Variants in CORIN observed in about 807,000 individuals in gnomAD.
The protein encoded by CORIN is corin, serine peptidase, also known as atrial natriuretic peptide-converting enzyme.
CORIN carries 117 observed loss-of-function variants against 125.3 expected under a neutral mutation model. That is an observed-to-expected ratio of 0.93 (90% CI 0.80 to 1.09). CORIN has a LOEUF of 1.09. CORIN is among the 50% of genes least tolerant of loss of function. CORIN has a pLI of 0.00. For missense variants in CORIN, 1,253 were observed against 1,306.7 expected, an observed-to-expected ratio of 0.96 and a Z score of 0.63; for synonymous variants, 450 against 466.4, an observed-to-expected ratio of 0.96 and a Z score of 0.45.
chr4:47,653,203 A>G (rs1321045625), intron 13 of CORIN, among the ~76,000 whole-genome samples: 1 of 152,148 alleles, frequency 6.6e-6, no homozygotes, highest in Admixed American at 6.5e-5. Context: ...TATAAATTAA[A>G]CTCTATCATA....
chr4:47,786,325 A>G (rs1730808575), intron 3 of CORIN, among the ~76,000 whole-genome samples: 1 of 152,046 alleles, frequency 6.6e-6, no homozygotes, highest in African/African-American at 2.4e-5. Flanking sequence ...ACTTGAGGTC[A>G]GGAGTTCGAG....
chr4:47,617,233 T>C (rs1036324009), intron 19 of CORIN, among the ~76,000 whole-genome samples: 1 of 152,166 alleles, frequency 6.6e-6, no homozygotes, highest in Non-Finnish European at 1.5e-5. Context: ...AGATGCTCAT[T>C]TGGGGTTTAT....
chr4:47,622,857 T>C (rs1211036005), intron 19 of CORIN, among the ~76,000 whole-genome samples: 1 of 152,010 alleles, frequency 6.6e-6, no homozygotes, highest in Non-Finnish European at 1.5e-5. Context: ...CAAACCTTTG[T>C]TTGTCATCAT....
intron 10 of CORIN, among the ~76,000 whole-genome samples, chr4:47,668,340 C>T (rs1411612526): frequency 6.6e-6 from 1 of 152,238 alleles, no homozygotes; most frequent in Non-Finnish European, 1.5e-5. Context: ...CAACAGAAGG[C>T]TTTGAATGCT....
chr4:47,696,078 A>G (rs956136906), intron 5 of CORIN, among the ~76,000 whole-genome samples: 2 of 152,250 alleles, frequency 1.3e-5, no homozygotes, highest in African/African-American at 4.8e-5. Context: ...TCTAAACAAA[A>G]GACAAATGTC....
At chr4:47,629,440 AACC>A (rs1163490281) in intron 16 of CORIN, among the ~76,000 whole-genome samples, 31 of 152,316 alleles carry the variant, frequency 2.0e-4, no homozygotes, top group Admixed American at 6.5e-4. Flanking sequence ...TTTGGATACT[AACC>A]TCATTGGATA....
intron 1 of CORIN, among the ~76,000 whole-genome samples, chr4:47,837,172 A>C (rs1733477049): frequency 6.6e-6 from 1 of 152,192 alleles, no homozygotes; most frequent in Non-Finnish European, 1.5e-5. Flanking sequence ...TCCTGTGCCT[A>C]GGCAGGTTCA....
chr4:47,740,464 T>TAAA (rs1184803381), intron 5 of CORIN, among the ~76,000 whole-genome samples: 3 of 151,972 alleles, frequency 2.0e-5, no homozygotes, highest in Non-Finnish European at 4.4e-5. Flanking sequence ...ATTGACCCTT[T>TAAA]ATCATTAAAA....
intron 5 of CORIN, among the ~76,000 whole-genome samples, chr4:47,703,940 C>T (rs1726428111): frequency 6.6e-6 from 1 of 152,216 alleles, no homozygotes; most frequent in Non-Finnish European, 1.5e-5. Flanking sequence ...AATACAACAA[C>T]ATCTAGGAAC....
intron 5 of CORIN, among the ~76,000 whole-genome samples, chr4:47,743,868 G>A (rs1382922573): frequency 6.6e-6 from 1 of 150,990 alleles, no homozygotes; most frequent in Non-Finnish European, 1.5e-5. Flanking sequence ...CTGGGTGGCA[G>A]AGCAAGTCTC....
Position 47,734,207 on chromosome 4 carries a change from A to T in CORIN, c.799+10195T>A, listed in dbSNP as rs61762912. On this transcript the variant is annotated intron_variant, in intron 5 of 21. Transcript: ENST00000273857. ...ATTTACTCTGAAAGCAAATTGAACT[A>T]ACAGCTGTGAAAGCACTTCAGAAAG... 7.3e-3 allele frequency among the ~76,000 whole-genome samples: 1,118 copies of T among 152,348 alleles called. 7 individuals carry two copies. Among genetic ancestry groups the T allele is most frequent in the Non-Finnish European group, 0.012 (834 of 68,028 alleles).
chr4:47,653,668 A>G lies in CORIN; in HGVS notation c.1736-8T>C. 1 of 1,608,562 alleles carries G rather than the reference A, an allele frequency of 6.2e-7. No individual in the cohort carries two copies. Among genetic ancestry groups the G allele is most frequent in the African/African-American group, 1.3e-5 (1 of 74,938 alleles). On this transcript the variant is annotated splice_region_variant and splice_polypyrimidine_tract_variant and intron_variant, in intron 12 of 21. Transcript: ENST00000273857. Reference sequence around the variant, plus strand: ...AATGACTAGGTGAGCATTCTATTAAAAACAATATTACTGTTAAAGGGCTGA... The same window carrying G: ...AATGACTAGGTGAGCATTCTATTAAGAACAATATTACTGTTAAAGGGCTGA...
chr4:47,621,170 G>A (rs1359897283), intron 19 of CORIN, among the ~76,000 whole-genome samples: 1 of 152,144 alleles, frequency 6.6e-6, no homozygotes, highest in Admixed American at 6.5e-5. Context: ...TTTGAATTAG[G>A]TGGGGCCTGT....
At chr4:47,763,723 G>A in intron 3 of CORIN, 137 bp from the exon 4 acceptor site, 1 of 661,202 alleles carries the variant, frequency 1.5e-6, no homozygotes, top group South Asian at 1.9e-5. Flanking sequence ...ACACATAGGT[G>A]CATGTAAGTA....
intron 5 of CORIN, among the ~76,000 whole-genome samples, chr4:47,733,355 G>C (rs1300524036): frequency 6.6e-6 from 1 of 152,144 alleles, no homozygotes; most frequent in Admixed American, 6.5e-5. Context: ...GTACCTCAAA[G>C]AAATAGTATT....
chr4:47,658,757 C>T (rs1227143693), intron 12 of CORIN, among the ~76,000 whole-genome samples: 1 of 152,224 alleles, frequency 6.6e-6, no homozygotes, highest in East Asian at 1.9e-4. Flanking sequence ...TCTTTGCTCC[C>T]TTTTGGTTAT....
chr4:47,787,010 T>G, intron 2 of CORIN, 85 bp from the exon 3 acceptor site: 8 of 933,906 alleles, frequency 8.6e-6, no homozygotes, highest in Non-Finnish European at 1.3e-5. Context: ...AAGAAAACTC[T>G]AGAGCTACTT....
intron 1 of CORIN, among the ~76,000 whole-genome samples, chr4:47,819,863 G>A (rs1000396921): frequency 3.9e-5 from 6 of 152,068 alleles, no homozygotes; most frequent in African/African-American, 9.7e-5. Context: ...AATCCCCTTC[G>A]TCAGTTTAGC....
chr4:47,603,802 A>T (rs1475096434), intron 19 of CORIN, 134 bp from the exon 20 acceptor site: 1 of 971,624 alleles, frequency 1.0e-6, no homozygotes, highest in Admixed American at 2.7e-5. Context: ...TATTCATATA[A>T]GTGGCATTTA....
Sources: gnomAD v4.1 joint callset for allele counts (sites outside exome capture counted in the v4.1 genomes callset) on GRCh38, gnomAD v4.1.1 for gene constraint, MANE v1.5 for transcripts, NCBI Gene and HGNC (gene_info 2026-07-23, HGNC 2026-07-21) for gene names.